Variants in MVB12B observed in about 807,000 individuals in gnomAD.
MVB12B encodes ESCRT-I complex subunit MVB12B.
A neutral mutation model predicts 41.6 loss-of-function variants in MVB12B; 16 were observed. That is an observed-to-expected ratio of 0.38 (90% CI 0.26 to 0.58). The LOEUF is 0.58. Ranked by LOEUF, MVB12B falls within the 20% of genes least tolerant of loss-of-function variation. The pLI, the probability that MVB12B is intolerant of heterozygous loss-of-function variation, is 0.62. For synonymous variants in MVB12B, 133 were observed against 139.7 expected (o/e 0.95, Z 0.34); for missense variants, 274 against 380.2 (o/e 0.72, Z 2.32).
intron 7 of MVB12B, chr9:126,448,534 A>G (rs1338835019): frequency 6.6e-6 from 1 of 152,246 alleles, no homozygotes; most frequent in East Asian, 1.9e-4. Context: ...TGGGTAATTC[A>G]TAAAGAAAAG....
chr9:126,407,759 T>C (rs1281429450), intron 6 of MVB12B, among the ~76,000 whole-genome samples: 2 of 151,990 alleles, frequency 1.3e-5, no homozygotes, highest in African/African-American at 4.8e-5. Context: ...TAAATTGAGA[T>C]TTTTTTTAAC....
intron 6 of MVB12B, among the ~76,000 whole-genome samples, chr9:126,414,320 T>C (rs1831743649): frequency 6.6e-6 from 1 of 152,144 alleles, no homozygotes; most frequent in Non-Finnish European, 1.5e-5. Flanking sequence ...TGCTGACCTG[T>C]TTGTTACAGA....
In MVB12B at chr9:126,326,887, C is replaced by T. The variant is rs1828983816; in HGVS notation, c.-43C>T. ...GCTCGAGCTGCGGCGCCGGCTCCTG[C>T]CGCCTGGGCCCCGGGCCCGGCCCCT... On this transcript the variant is annotated 5_prime_UTR_variant, in exon 1 of 10. Coordinates refer to ENST00000361171, the MANE Select transcript of MVB12B (RefSeq NM_033446.3). The T allele has an allele frequency of 5.7e-6, 1 of 175,676 alleles. No homozygotes were observed. The highest frequency in any genetic ancestry group is 1.7e-4 in the East Asian group (1 of 5,808). 10.9% of individuals were successfully genotyped at this position (175,676 alleles called of 1,614,324 possible). A position where few individuals can be genotyped will look rare whatever the true frequency, so the allele number is the denominator to read the frequency against.
At chr9:126,337,052 C>G (rs1370548458) in intron 1 of MVB12B, among the ~76,000 whole-genome samples, 2 of 152,184 alleles carry the variant, frequency 1.3e-5, no homozygotes, top group Admixed American at 6.5e-5. Flanking sequence ...TCCTATAGTT[C>G]TGAAAAATTT....
chr9:126,457,196 C>T (rs1833001254), intron 7 of MVB12B, among the ~76,000 whole-genome samples: 1 of 152,242 alleles, frequency 6.6e-6, no homozygotes, highest in Non-Finnish European at 1.5e-5. Context: ...GCGGCCAAGT[C>T]TCTCCCCTTT....
intron 2 of MVB12B, among the ~76,000 whole-genome samples, chr9:126,343,132 C>A (rs1344216261): frequency 1.3e-5 from 2 of 152,198 alleles, no homozygotes; most frequent in East Asian, 3.8e-4. Context: ...AATAACTTCC[C>A]TTCTCTCTGG....
intron 6 of MVB12B, among the ~76,000 whole-genome samples, chr9:126,420,005 G>A (rs1197165230): frequency 1.3e-5 from 2 of 152,166 alleles, no homozygotes; most frequent in Non-Finnish European, 2.9e-5. Flanking sequence ...TTCTAGCTCT[G>A]CTTCCGACGT....
rs574928346 is a variant in MVB12B at position 126,471,372 on chromosome 9, G to A, written c.758-9997G>A. Among the ~76,000 whole-genome samples the A allele has an allele frequency of 2.0e-5, 3 of 152,348 alleles. No homozygotes were observed. In the East Asian group the frequency reaches 5.8e-4, roughly 29 times the overall value. Reference sequence around the variant, plus strand: ...GCGTTCACACGTGTCTGACTCCGGCGCCTGTGCTCCGTCCTCCCGTGCTGC... The same window carrying A: ...GCGTTCACACGTGTCTGACTCCGGCACCTGTGCTCCGTCCTCCCGTGCTGC... On this transcript the variant is annotated intron_variant, in intron 7 of 9. Coordinates refer to ENST00000361171, the MANE Select transcript of MVB12B (RefSeq NM_033446.3).
chr9:126,334,699 C>T (rs184705521), intron 1 of MVB12B, among the ~76,000 whole-genome samples: 1 of 152,128 alleles, frequency 6.6e-6, no homozygotes. Context: ...CCCAGCAAAA[C>T]CTGATGGGAG....
At chr9:126,352,456 C>T (rs1252250814) in intron 2 of MVB12B, among the ~76,000 whole-genome samples, 1 of 152,130 alleles carries the variant, frequency 6.6e-6, no homozygotes, top group African/African-American at 2.4e-5. Flanking sequence ...GCTAGGCTGC[C>T]CCCTGACTAG....
At position 126,503,896 on chromosome 9, in the gene MVB12B, A is replaced by ATGCT. The variant is rs1338526539; in HGVS notation, c.*633_*634insTGCT. On this transcript the variant is annotated 3_prime_UTR_variant, in exon 10 of 10. Transcript: ENST00000361171. ...AGTCGCCTGGAAGTCGGGGAGCAGC[A>ATGCT]CCCCTGCCCCCGGTGGAGGGGTTGT... The ATGCT allele has an allele frequency of 6.6e-6, 1 of 152,226 alleles. No homozygotes were observed. Among genetic ancestry groups the ATGCT allele is most frequent in the Non-Finnish European group, 1.5e-5 (1 of 68,170 alleles). 9.4% of individuals were successfully genotyped at this position (152,226 alleles called of 1,614,324 possible). A position where few individuals can be genotyped will look rare whatever the true frequency, so the allele number is the denominator to read the frequency against.
chr9:126,429,769 C>T (rs1372813388), intron 7 of MVB12B, among the ~76,000 whole-genome samples: 1 of 152,194 alleles, frequency 6.6e-6, no homozygotes. Flanking sequence ...AGTTAATGAA[C>T]AGCGTGTGCA....
intron 7 of MVB12B, among the ~76,000 whole-genome samples, chr9:126,434,287 G>A (rs938193559): frequency 6.6e-6 from 1 of 152,096 alleles, no homozygotes; most frequent in African/African-American, 2.4e-5. Context: ...AGTTTGGATG[G>A]AATATATTTA....
intron 2 of MVB12B, among the ~76,000 whole-genome samples, chr9:126,368,345 A>T (rs555511456): frequency 6.6e-6 from 1 of 152,292 alleles, no homozygotes; most frequent in South Asian, 2.1e-4. Flanking sequence ...CGAGGCTGGT[A>T]TTGGGTGATG....
intron 6 of MVB12B, among the ~76,000 whole-genome samples, chr9:126,402,484 A>G (rs975252262): frequency 3.9e-5 from 6 of 152,186 alleles, no homozygotes; most frequent in Non-Finnish European, 5.9e-5. Flanking sequence ...CAAAAAAATC[A>G]AATACAAAAA....
At chr9:126,440,839 T>C (rs1193761332) in intron 7 of MVB12B, among the ~76,000 whole-genome samples, 2 of 152,246 alleles carry the variant, frequency 1.3e-5, no homozygotes, top group Non-Finnish European at 2.9e-5. Flanking sequence ...TGTAGGCTAA[T>C]GCAGGCACAG....
chr9:126,503,606 G>A lies in MVB12B; in HGVS notation c.*343G>A. ...CCCGGGCAGTTGCCCTGGCCGCCCA[G>A]TGACGCCCACCGGCTCCCTCCGCTC... On this transcript the variant is annotated 3_prime_UTR_variant, in exon 10 of 10. Transcript: ENST00000361171. The A allele has an allele frequency of 5.7e-6, 2 of 351,058 alleles. No homozygotes were observed. The highest frequency in any genetic ancestry group is 1.0e-5 in the Non-Finnish European group (2 of 193,922). 21.7% of individuals were successfully genotyped at this position (351,058 alleles called of 1,614,324 possible). A position where few individuals can be genotyped will look rare whatever the true frequency, so the allele number is the denominator to read the frequency against.
At chr9:126,497,047 G>A (rs1426590877) in intron 9 of MVB12B, among the ~76,000 whole-genome samples, 4 of 152,296 alleles carry the variant, frequency 2.6e-5, no homozygotes, top group African/African-American at 9.6e-5. Flanking sequence ...GGAAGAGACT[G>A]GACTGGCAGA....
At chr9:126,415,120 C>T (rs1214733059) in intron 6 of MVB12B, among the ~76,000 whole-genome samples, 3 of 152,166 alleles carry the variant, frequency 2.0e-5, no homozygotes, top group Non-Finnish European at 4.4e-5. Context: ...GTGTCCAATG[C>T]CAGTGGCCTA....
Sources: gnomAD v4.1 joint callset for allele counts (sites outside exome capture counted in the v4.1 genomes callset) on GRCh38, gnomAD v4.1.1 for gene constraint, MANE v1.5 for transcripts, NCBI Gene and HGNC (gene_info 2026-07-23, HGNC 2026-07-21) for gene names.